The following BMAL2 variants were observed in gnomAD, a reference collection of about 807,000 sequenced individuals.
The protein encoded by BMAL2 is basic helix-loop-helix ARNT like 2.
At chr12:27,387,520 A>G in the BMAL2 span, among the ~76,000 whole-genome samples, 1 of 152,210 alleles carries the variant, frequency 6.6e-6, no homozygotes, top group African/African-American at 2.4e-5. Context: ...CCTGACCTTC[A>G]GCAAGTTACT....
the BMAL2 span, among the ~76,000 whole-genome samples, chr12:27,382,041 ACT>A: frequency 4.6e-5 from 7 of 152,158 alleles, no homozygotes; most frequent in Non-Finnish European, 8.8e-5. Context: ...GGAGAGCAGC[ACT>A]CACCTAGACT....
chr12:27,408,413 TC>T, the BMAL2 span, among the ~76,000 whole-genome samples: 1 of 152,174 alleles, frequency 6.6e-6, no homozygotes, highest in South Asian at 2.1e-4. Context: ...GTGGGCTTCA[TC>T]CCTGGGATGC....
At chr12:27,403,346 T>A in the BMAL2 span, 30 of 905,634 alleles carry the variant, frequency 3.3e-5, no homozygotes, top group South Asian at 4.4e-4. Flanking sequence ...AGCTAGTCTG[T>A]TTCTTTTAAG....
At chr12:27,358,174 A>G in the BMAL2 span, among the ~76,000 whole-genome samples, 1 of 152,156 alleles carries the variant, frequency 6.6e-6, no homozygotes, top group African/African-American at 2.4e-5. Flanking sequence ...TAATATCCAG[A>G]ATCTACAAGG....
chr12:27,420,019 G>GCGCGCGCGCACACACACA, the BMAL2 span, among the ~76,000 whole-genome samples: 4,656 of 147,474 alleles, frequency 0.032, 98 homozygotes, highest in Non-Finnish European at 0.042. Flanking sequence ...GTTTGCGCGT[G>GCGCGCGCGCACACACACA]CACACACACA....
At chr12:27,333,605 G>A in the BMAL2 span, among the ~76,000 whole-genome samples, 1 of 152,328 alleles carries the variant, frequency 6.6e-6, no homozygotes, top group Admixed American at 6.5e-5. Context: ...TAATACTCGC[G>A]GCTTCCCGGC....
At chr12:27,370,099 G>T in the BMAL2 span, 1 of 1,531,172 alleles carries the variant, frequency 6.5e-7, no homozygotes, top group East Asian at 2.3e-5. Flanking sequence ...CATCTGGGTA[G>T]GGGGTGACCC....
At chr12:27,338,665 G>A in the BMAL2 span, among the ~76,000 whole-genome samples, 1 of 152,240 alleles carries the variant, frequency 6.6e-6, no homozygotes, top group South Asian at 2.1e-4. Context: ...GGTCTGTGAT[G>A]AGGCATGGAC....
the BMAL2 span, among the ~76,000 whole-genome samples, chr12:27,420,208 A>G: frequency 6.6e-6 from 1 of 152,364 alleles, no homozygotes; most frequent in African/African-American, 2.4e-5. Context: ...AAAACTAGGT[A>G]ACCCATTTAA....
the BMAL2 span, among the ~76,000 whole-genome samples, chr12:27,374,642 C>A: frequency 6.6e-6 from 1 of 152,222 alleles, no homozygotes; most frequent in African/African-American, 2.4e-5. Flanking sequence ...CTTAATCTGA[C>A]CCTCTCTTTT....
At chr12:27,336,947 CA>C in the BMAL2 span, among the ~76,000 whole-genome samples, 18,358 of 73,908 alleles carry the variant, frequency 0.25, 661 homozygotes, top group Non-Finnish European at 0.31. Flanking sequence ...GAGACTGTCT[CA>C]AAAAAAAAAA....
chr12:27,376,580 C>A, the BMAL2 span, among the ~76,000 whole-genome samples: 2 of 152,110 alleles, frequency 1.3e-5, no homozygotes, highest in Non-Finnish European at 2.9e-5. Flanking sequence ...AACATTTTGG[C>A]TTTCATGCCT....
the BMAL2 span, among the ~76,000 whole-genome samples, chr12:27,383,224 T>C: frequency 6.6e-6 from 1 of 152,210 alleles, no homozygotes; most frequent in Non-Finnish European, 1.5e-5. Context: ...ATCTGTGAGA[T>C]AGGGATGCAT....
the BMAL2 span, among the ~76,000 whole-genome samples, chr12:27,341,016 A>G: frequency 4.7e-4 from 72 of 152,244 alleles, no homozygotes; most frequent in African/African-American, 1.6e-3. Context: ...GCCCGAGACT[A>G]TAGGGTTTTC....
the BMAL2 span, among the ~76,000 whole-genome samples, chr12:27,385,853 C>G: frequency 4.6e-5 from 7 of 152,206 alleles, no homozygotes; most frequent in Admixed American, 1.3e-4. Flanking sequence ...CCCCCATGAT[C>G]ACCACCTCCT....
At chr12:27,370,308 C>T in the BMAL2 span, 7 of 1,053,388 alleles carry the variant, frequency 6.6e-6, no homozygotes, top group Non-Finnish European at 8.7e-6. Flanking sequence ...ACATGATACA[C>T]GTCCCACTGA....
At chr12:27,371,091 C>T in the BMAL2 span, among the ~76,000 whole-genome samples, 1 of 152,148 alleles carries the variant, frequency 6.6e-6, no homozygotes, top group African/African-American at 2.4e-5. Flanking sequence ...ATAATAGAGA[C>T]CCTGGGTACT....
At chr12:27,363,100 G>A in the BMAL2 span, among the ~76,000 whole-genome samples, 2 of 152,138 alleles carry the variant, frequency 1.3e-5, no homozygotes, top group East Asian at 3.8e-4. Context: ...ATGAGCCACT[G>A]CACCTGGCCA....
chr12:27,400,430 G>T, the BMAL2 span: 1 of 975,352 alleles, frequency 1.0e-6, no homozygotes, highest in South Asian at 3.0e-5. Flanking sequence ...CATATTTAAA[G>T]AGCATTTTAT....
Sources: gnomAD v4.1 joint callset for allele counts (sites outside exome capture counted in the v4.1 genomes callset) on GRCh38, gnomAD v4.1.1 for gene constraint, MANE v1.5 for transcripts, NCBI Gene and HGNC (gene_info 2026-07-23, HGNC 2026-07-21) for gene names.